Variants in CSTPP1 observed in about 807,000 individuals in gnomAD.
CSTPP1 encodes the protein centriolar satellite-associated tubulin polyglutamylase complex regulator 1, also known as UPF0705 protein C11orf49.
chr11:47,055,443 A>T, the CSTPP1 span, among the ~76,000 whole-genome samples: 3 of 140,834 alleles, frequency 2.1e-5, no homozygotes, highest in Admixed American at 7.8e-5. Flanking sequence ...AATTTATGAG[A>T]TTCCCCACCA....
the CSTPP1 span, among the ~76,000 whole-genome samples, chr11:46,999,665 T>G: frequency 1.3e-5 from 2 of 152,214 alleles, no homozygotes; most frequent in African/African-American, 2.4e-5. Context: ...CAACTAGAGC[T>G]GACTATAAAG....
the CSTPP1 span, among the ~76,000 whole-genome samples, chr11:47,084,830 A>G: frequency 6.6e-6 from 1 of 152,126 alleles, no homozygotes; most frequent in South Asian, 2.1e-4. Flanking sequence ...GCATTTCCAT[A>G]TAAAATTTAG....
At chr11:46,981,021 G>A in the CSTPP1 span, among the ~76,000 whole-genome samples, 25 of 152,184 alleles carry the variant, frequency 1.6e-4, no homozygotes, top group South Asian at 5.2e-3. Flanking sequence ...TAAACATGAA[G>A]ATATCCTGTG....
the CSTPP1 span, chr11:47,162,350 C>G: frequency 1.4e-6 from 1 of 690,108 alleles, no homozygotes; most frequent in Non-Finnish European, 1.8e-6. Context: ...GTGGCCCACT[C>G]AGACCTGGGG....
At chr11:47,111,384 C>T in the CSTPP1 span, among the ~76,000 whole-genome samples, 1 of 152,184 alleles carries the variant, frequency 6.6e-6, no homozygotes, top group African/African-American at 2.4e-5. Context: ...TGTTGCTGGG[C>T]TCCCTGGCTT....
At chr11:47,147,528 G>A in the CSTPP1 span, among the ~76,000 whole-genome samples, 1 of 152,156 alleles carries the variant, frequency 6.6e-6, no homozygotes, top group Non-Finnish European at 1.5e-5. Flanking sequence ...CCTTCAGGCT[G>A]TCTACAGGGA....
At chr11:47,056,841 A>G in the CSTPP1 span, among the ~76,000 whole-genome samples, 1 of 152,208 alleles carries the variant, frequency 6.6e-6, no homozygotes, top group Non-Finnish European at 1.5e-5. Flanking sequence ...CCAGGTACCT[A>G]CCTACTCAGT....
the CSTPP1 span, among the ~76,000 whole-genome samples, chr11:46,954,718 A>G: frequency 6.6e-6 from 1 of 151,960 alleles, no homozygotes; most frequent in Non-Finnish European, 1.5e-5. Flanking sequence ...TGGGTCTATA[A>G]GAGTTATAAC....
the CSTPP1 span, among the ~76,000 whole-genome samples, chr11:46,947,589 A>G: frequency 6.6e-6 from 1 of 152,232 alleles, no homozygotes; most frequent in African/African-American, 2.4e-5. Context: ...ACTAAAAGTA[A>G]ATATTGTTTG....
the CSTPP1 span, among the ~76,000 whole-genome samples, chr11:46,990,869 CA>C: frequency 2.0e-5 from 3 of 152,146 alleles, no homozygotes; most frequent in Non-Finnish European, 4.4e-5. Flanking sequence ...ATCCCAGCAC[CA>C]TTTATTAAAC....
At chr11:47,077,196 GT>G in the CSTPP1 span, among the ~76,000 whole-genome samples, 77,068 of 135,368 alleles carry the variant, frequency 0.57, 20,665 homozygotes, top group Middle Eastern at 0.68. Flanking sequence ...GGATAAAGTT[GT>G]TTTTTTTTTT....
chr11:47,014,248 A>G, the CSTPP1 span, among the ~76,000 whole-genome samples: 1 of 151,474 alleles, frequency 6.6e-6, no homozygotes. Context: ...GGAAGGAAGA[A>G]AGGAAGGAAG....
At chr11:46,946,285 A>C in the CSTPP1 span, among the ~76,000 whole-genome samples, 2 of 152,252 alleles carry the variant, frequency 1.3e-5, no homozygotes, top group African/African-American at 4.8e-5. Context: ...GTTGGGGATC[A>C]CTTTTATTTG....
chr11:47,082,088 T>A, the CSTPP1 span, among the ~76,000 whole-genome samples: 1 of 148,888 alleles, frequency 6.7e-6, no homozygotes. Context: ...AGTTGGAGGC[T>A]TCAGTGAGCC....
chr11:47,116,721 G>A, the CSTPP1 span, among the ~76,000 whole-genome samples: 29 of 113,870 alleles, frequency 2.5e-4, no homozygotes, highest in African/African-American at 7.3e-4. Flanking sequence ...GCTCTGTCAC[G>A]CAGGCTGGAG....
the CSTPP1 span, among the ~76,000 whole-genome samples, chr11:47,108,346 G>A: frequency 1.3e-5 from 2 of 152,186 alleles, no homozygotes; most frequent in Non-Finnish European, 2.9e-5. Flanking sequence ...CAGCACAGCT[G>A]TTTGCACGAG....
chr11:47,109,021 AG>A, the CSTPP1 span: 1 of 152,220 alleles, frequency 6.6e-6, no homozygotes, highest in African/African-American at 2.4e-5. Flanking sequence ...TACTTCTTAT[AG>A]GGTGATAATT....
the CSTPP1 span, among the ~76,000 whole-genome samples, chr11:47,042,768 T>C: frequency 1.3e-5 from 2 of 152,224 alleles, no homozygotes; most frequent in Non-Finnish European, 2.9e-5. Flanking sequence ...AGGAACTTTT[T>C]TGTTTTACTT....
At chr11:46,995,615 A>G in the CSTPP1 span, among the ~76,000 whole-genome samples, 1 of 152,160 alleles carries the variant, frequency 6.6e-6, no homozygotes, top group Non-Finnish European at 1.5e-5. Flanking sequence ...GCTGAGTTCT[A>G]GTTTGATTGC....
Sources: gnomAD v4.1 joint callset for allele counts (sites outside exome capture counted in the v4.1 genomes callset) on GRCh38, gnomAD v4.1.1 for gene constraint, MANE v1.5 for transcripts, NCBI Gene and HGNC (gene_info 2026-07-23, HGNC 2026-07-21) for gene names.